Variants in VPS13B observed in about 807,000 individuals in gnomAD.
The protein encoded by VPS13B is intermembrane lipid transfer protein VPS13B.
Under a neutral mutation model 426.4 loss-of-function variants are expected in VPS13B, and 285 were observed. The ratio of observed to expected loss-of-function variants is 0.67; its 90% CI spans 0.61 to 0.74. VPS13B has a LOEUF of 0.74. Ranked by LOEUF, VPS13B falls within the 30% of genes least tolerant of loss-of-function variation. The pLI, the probability that VPS13B is intolerant of heterozygous loss-of-function variation, is 0.00. For synonymous variants in VPS13B, 1,676 were observed against 1,676.4 expected, an observed-to-expected ratio of 1.00 and a Z score of 0.01; for missense variants, 4,537 against 4,782.6, an observed-to-expected ratio of 0.95 and a Z score of 1.51.
intron 39 of VPS13B, among the ~76,000 whole-genome samples, chr8:99,745,007 A>G (rs2130503941): frequency 6.6e-6 from 1 of 152,078 alleles, no homozygotes; most frequent in East Asian, 1.9e-4. Context: ...TCAAGTATGT[A>G]TTTTGAATAC....
At chr8:99,059,730 CT>C (rs34620587) in intron 3 of VPS13B, among the ~76,000 whole-genome samples, 1,127 of 110,162 alleles carry the variant, frequency 0.01, 10 homozygotes, top group African/African-American at 0.035. Context: ...TTAGCTTCTG[CT>C]TTTTTTTTTT....
chr8:99,697,455 T>G lies in VPS13B; in HGVS notation c.6047-2070T>G, dbSNP rs949063988. ...GAGAAGGAGATAACTAAGGAGGAAA[T>G]CGACATCCTCAGCGATGCCTGCTCT... On this transcript the variant is annotated intron_variant, in intron 35 of 61. Transcript: ENST00000357162. 3.3e-5 allele frequency: 24 copies of G among 717,288 alleles called. No homozygotes were observed. In the Admixed American group the frequency reaches 4.4e-4, roughly 13 times the overall value. The allele number at this position is 717,288 out of a possible 1,614,324, so 44.4% of individuals were successfully genotyped here. A position where few individuals can be genotyped will look rare whatever the true frequency, so the allele number is the denominator to read the frequency against.
intron 35 of VPS13B, among the ~76,000 whole-genome samples, chr8:99,679,846 A>G (rs1588617058): frequency 1.3e-5 from 2 of 152,308 alleles, no homozygotes; most frequent in Non-Finnish European, 2.9e-5. Flanking sequence ...CACTATAACA[A>G]AAACCTGAAT....
At chr8:99,091,460 A>G (rs1214186453) in intron 3 of VPS13B, among the ~76,000 whole-genome samples, 1 of 152,192 alleles carries the variant, frequency 6.6e-6, no homozygotes, top group Non-Finnish European at 1.5e-5. Context: ...AGATGGAAAC[A>G]GCCTCCCTTG....
chr8:99,255,312 G>A (rs1012117096), intron 17 of VPS13B, among the ~76,000 whole-genome samples: 2 of 151,994 alleles, frequency 1.3e-5, no homozygotes, highest in Admixed American at 6.5e-5. Context: ...ATGTTAATTG[G>A]AGCATTTTTA....
intron 19 of VPS13B, among the ~76,000 whole-genome samples, chr8:99,311,567 G>T (rs1293636251): frequency 2.0e-5 from 3 of 152,188 alleles, no homozygotes; most frequent in African/African-American, 7.2e-5. Context: ...TTTTACATTT[G>T]CTGAGGAGTG....
intron 17 of VPS13B, among the ~76,000 whole-genome samples, chr8:99,198,467 T>A (rs76777346): frequency 0.043 from 6,466 of 152,048 alleles, 201 homozygotes; most frequent in Non-Finnish European, 0.071. Context: ...GCCAAACCTA[T>A]TCCATTTTTA....
chr8:99,514,789 G>T (rs1204301900), intron 29 of VPS13B, among the ~76,000 whole-genome samples: 1 of 151,986 alleles, frequency 6.6e-6, no homozygotes, highest in Non-Finnish European at 1.5e-5. Context: ...CAGTTTTTTT[G>T]GGGTGTACAC....
intron 34 of VPS13B, among the ~76,000 whole-genome samples, chr8:99,649,625 T>TACAC (rs57697283): frequency 9.5e-4 from 139 of 146,420 alleles, no homozygotes; most frequent in Admixed American, 2.1e-3. Flanking sequence ...CCCCTCTACA[T>TACAC]ACACACACAC....
intron 54 of VPS13B, among the ~76,000 whole-genome samples, chr8:99,843,195 T>C (rs935606600): frequency 4.6e-5 from 7 of 152,134 alleles, no homozygotes; most frequent in Non-Finnish European, 8.8e-5. Context: ...CTGACTGAAG[T>C]GCTCTAACAC....
At chr8:99,739,556 A>G (rs1456758412) in intron 39 of VPS13B, among the ~76,000 whole-genome samples, 1 of 152,192 alleles carries the variant, frequency 6.6e-6, no homozygotes, top group Non-Finnish European at 1.5e-5. Context: ...AGAGTAGCCT[A>G]ACTGGGAGGC....
intron 17 of VPS13B, among the ~76,000 whole-genome samples, chr8:99,245,689 T>G (rs1817176960): frequency 6.6e-6 from 1 of 152,140 alleles, no homozygotes; most frequent in African/African-American, 2.4e-5. Context: ...TTACAGGCAC[T>G]CACTACTATG....
In VPS13B at chr8:99,819,420, A is replaced by G. The variant is rs769457013; in HGVS notation, c.8630A>G (p.Tyr2877Cys). 1.9e-6 allele frequency: 3 copies of G among 1,613,788 alleles called. No individual in the cohort carries two copies. Among genetic ancestry groups the G allele is most frequent in the East Asian group, 4.5e-5 (2 of 44,854 alleles). Residue 2877 changes from tyrosine to cysteine, a missense_variant, in exon 48 of 62, where the codon TAT (tyrosine) becomes TGT (cysteine). Tyr to Cys is a radical substitution (Grantham distance 194, BLOSUM62 -2). Coordinates refer to ENST00000357162, the MANE Select transcript of VPS13B (RefSeq NM_152564.5). ...TTATTTCAATTTCCTAGAGAAGAAT[A>G]TGATCCTTCAGATTGTGCAGTTCCC... ...HHLTFQAREE[Y>C]DPSDCAVPIS...
chr8:99,157,018 T>C (rs902651328), intron 15 of VPS13B, among the ~76,000 whole-genome samples: 5 of 152,196 alleles, frequency 3.3e-5, no homozygotes, highest in African/African-American at 7.2e-5. Flanking sequence ...TCATTGATGG[T>C]AATTTTTATA....
chr8:99,650,375 A>T (rs936012444), intron 34 of VPS13B, among the ~76,000 whole-genome samples: 2 of 152,146 alleles, frequency 1.3e-5, no homozygotes, highest in Non-Finnish European at 2.9e-5. Flanking sequence ...TAGCAGGGGA[A>T]AATGCTGTGA....
At chr8:99,656,437 C>T (rs893015653) in intron 34 of VPS13B, among the ~76,000 whole-genome samples, 3 of 152,132 alleles carry the variant, frequency 2.0e-5, no homozygotes, top group Non-Finnish European at 4.4e-5. Flanking sequence ...AAAGAGCTTC[C>T]AATATGAAAT....
At chr8:99,220,866 C>A (rs1284670248) in intron 17 of VPS13B, among the ~76,000 whole-genome samples, 3 of 112,938 alleles carry the variant, frequency 2.7e-5, no homozygotes, top group African/African-American at 1.1e-4. Context: ...TATACATGTG[C>A]CATGCTGGTG....
At chr8:99,577,415 A>C (rs1825827547) in intron 32 of VPS13B, 75 bp from the exon 33 acceptor site, 2 of 1,601,750 alleles carry the variant, frequency 1.2e-6, no homozygotes, top group Non-Finnish European at 1.7e-6. Flanking sequence ...GTGAAGGTCA[A>C]ATAAGTAAGA....
intron 19 of VPS13B, among the ~76,000 whole-genome samples, chr8:99,345,089 G>T (rs1811466377): frequency 6.6e-6 from 1 of 151,998 alleles, no homozygotes; most frequent in African/African-American, 2.4e-5. Context: ...AGTTCTCCTT[G>T]TACAATTTCT....
Sources: gnomAD v4.1 joint callset for allele counts (sites outside exome capture counted in the v4.1 genomes callset) on GRCh38, gnomAD v4.1.1 for gene constraint, MANE v1.5 for transcripts, NCBI Gene and HGNC (gene_info 2026-07-23, HGNC 2026-07-21) for gene names.